The following MAPK4 variants were observed in gnomAD, a reference collection of about 807,000 sequenced individuals.
MAPK4 encodes the protein mitogen-activated protein kinase 4, also known as Erk3-related.
MAPK4 carries 22 observed loss-of-function variants against 47.7 expected under a neutral mutation model. The observed-to-expected ratio is 0.46, with a 90% CI of 0.33 to 0.66. The LOEUF (loss-of-function observed/expected upper bound fraction) is 0.66. Among genes scored for constraint, MAPK4 ranks in the 30% least tolerant of loss-of-function variants. The probability of loss-of-function intolerance (pLI) is 0.02; values close to 1 mark genes in which losing one functional copy is unlikely to be tolerated. For missense variants in MAPK4, 736 were observed against 831.7 expected, an observed-to-expected ratio of 0.88 and a Z score of 1.42; for synonymous variants, 390 against 365.7, an observed-to-expected ratio of 1.07 and a Z score of -0.76.
intron 1 of MAPK4, among the ~76,000 whole-genome samples, chr18:50,610,771 C>T (rs2042625975): frequency 6.6e-6 from 1 of 152,074 alleles, no homozygotes; most frequent in African/African-American, 2.4e-5. Flanking sequence ...TCCCATTTAC[C>T]CCCTCTCCTG....
At chr18:50,708,732 T>C (rs954224901) in intron 2 of MAPK4, among the ~76,000 whole-genome samples, 5 of 152,144 alleles carry the variant, frequency 3.3e-5, no homozygotes, top group African/African-American at 1.2e-4. Flanking sequence ...GTCTCTCTTA[T>C]GTGCGAGGCA....
chr18:50,714,763 A>C (rs1598946480), intron 2 of MAPK4, among the ~76,000 whole-genome samples: 1 of 152,206 alleles, frequency 6.6e-6, no homozygotes, highest in African/African-American at 2.4e-5. Flanking sequence ...CTTACTAGAC[A>C]AGGGCAGAGT....
chr18:50,582,715 C>T (rs541399397), intron 1 of MAPK4, among the ~76,000 whole-genome samples: 1 of 152,330 alleles, frequency 6.6e-6, no homozygotes, highest in Non-Finnish European at 1.5e-5. Context: ...TGTGCCCTGG[C>T]CCAGATCCCA....
intron 1 of MAPK4, among the ~76,000 whole-genome samples, chr18:50,628,509 A>G (rs747035252): frequency 6.6e-6 from 1 of 152,060 alleles, no homozygotes. Flanking sequence ...AGCATGTAAT[A>G]TTTTAGAATA....
At chr18:50,630,718 C>T (rs1382243674) in intron 1 of MAPK4, among the ~76,000 whole-genome samples, 1 of 152,206 alleles carries the variant, frequency 6.6e-6, no homozygotes, top group Non-Finnish European at 1.5e-5. Context: ...TTAGGATTAG[C>T]TCCTCATCCT....
At chr18:50,728,350 G>T (rs958169221) in intron 5 of MAPK4, among the ~76,000 whole-genome samples, 1 of 152,238 alleles carries the variant, frequency 6.6e-6, no homozygotes, top group African/African-American at 2.4e-5. Flanking sequence ...GTCGAACGGG[G>T]CAGAATGCCA....
intron 1 of MAPK4, among the ~76,000 whole-genome samples, chr18:50,654,723 G>T (rs1472902334): frequency 6.6e-6 from 1 of 152,216 alleles, no homozygotes; most frequent in African/African-American, 2.4e-5. Flanking sequence ...GGGCCTTTGT[G>T]CAGCTGGTGC....
Position 50,731,540 on chromosome 18 carries a change from T to G in MAPK4, c.*1686T>G, listed in dbSNP as rs995794149. The G allele has an allele frequency of 6.6e-6, 1 of 152,500 alleles. No individual in the cohort carries two copies. Among genetic ancestry groups the G allele is most frequent in the Non-Finnish European group, 1.5e-5 (1 of 68,040 alleles). 9.4% of individuals were successfully genotyped at this position (152,500 alleles called of 1,614,324 possible). A position where few individuals can be genotyped will look rare whatever the true frequency, so the allele number is the denominator to read the frequency against. On this transcript the variant is annotated 3_prime_UTR_variant, in exon 6 of 6. Coordinates refer to ENST00000400384, the MANE Select transcript of MAPK4 (RefSeq NM_002747.4). ...AGAAACTTATATTTAAAAACAGAAT[T>G]AATCACACTGACCAACTTTTAAATG...
At chr18:50,602,174 T>C (rs777939881) in intron 1 of MAPK4, among the ~76,000 whole-genome samples, 1 of 152,226 alleles carries the variant, frequency 6.6e-6, no homozygotes. Flanking sequence ...GCCGCAGATC[T>C]TCCCAGAGAG....
chr18:50,599,501 C>T (rs2042515813), intron 1 of MAPK4, among the ~76,000 whole-genome samples: 1 of 152,184 alleles, frequency 6.6e-6, no homozygotes, highest in Admixed American at 6.5e-5. Context: ...TCACTGCAAC[C>T]TTTGCCTTTT....
chr18:50,572,488 A>G (rs1000795023), intron 1 of MAPK4, among the ~76,000 whole-genome samples: 12 of 152,172 alleles, frequency 7.9e-5, no homozygotes, highest in African/African-American at 2.2e-4. Context: ...TCTTGTTTCC[A>G]TATGTCTATA....
At chr18:50,597,989 G>T (rs2042499096) in intron 1 of MAPK4, among the ~76,000 whole-genome samples, 2 of 152,224 alleles carry the variant, frequency 1.3e-5, no homozygotes, top group South Asian at 4.1e-4. Flanking sequence ...CAAGTAGTGA[G>T]ATTTGGGACA....
rs772815449 is a variant in MAPK4, at chr18:50,564,919, G to A, written c.-871+4676G>A. On this transcript the variant is annotated intron_variant, in intron 1 of 5. Coordinates refer to ENST00000400384, the MANE Select transcript of MAPK4 (RefSeq NM_002747.4). ...TTTGATGGACCCTCTTTAAGGAAAC[G>A]ACAAAACGATAAGGGGAGCACATTG... Among the ~76,000 whole-genome samples the A allele has an allele frequency of 6.0e-4, 92 of 152,328 alleles. 1 individual carries two copies. Among genetic ancestry groups the A allele is most frequent in the Non-Finnish European group, 4.4e-4 (30 of 68,028 alleles).
At chr18:50,669,042 G>A (rs753802074) in intron 2 of MAPK4, among the ~76,000 whole-genome samples, 4 of 152,184 alleles carry the variant, frequency 2.6e-5, no homozygotes, top group Admixed American at 1.3e-4. Context: ...GAGATGCCAC[G>A]GCAATGCCAG....
intron 1 of MAPK4, among the ~76,000 whole-genome samples, chr18:50,578,955 G>A (rs1008439627): frequency 2.0e-5 from 3 of 152,196 alleles, no homozygotes; most frequent in African/African-American, 7.2e-5. Context: ...AGCAGCATGG[G>A]CAGAGGTGAG....
At chr18:50,645,196 T>A (rs1377541887) in intron 1 of MAPK4, among the ~76,000 whole-genome samples, 2 of 152,092 alleles carry the variant, frequency 1.3e-5, no homozygotes, top group African/African-American at 4.8e-5. Flanking sequence ...GAGAGGTGAA[T>A]GCCAACGCGC....
intron 1 of MAPK4, among the ~76,000 whole-genome samples, chr18:50,595,374 T>C (rs1278194035): frequency 6.6e-6 from 1 of 152,110 alleles, no homozygotes; most frequent in Non-Finnish European, 1.5e-5. Context: ...ATACAAAGGA[T>C]TAAAAACCCA....
At position 50,686,266 on chromosome 18, in the gene MAPK4, C is replaced by T. The variant is rs528891646; in HGVS notation, c.546+21762C>T. Among the ~76,000 whole-genome samples the T allele has an allele frequency of 3.3e-5, 5 of 152,310 alleles. No homozygotes were observed. The East Asian group carries it at 9.6e-4, about 29-fold the overall frequency. ...AACTAAAATTCAGAAAGACTGGAAG[C>T]TAAGGAAGTCACTCAGTCATCAAAC... On this transcript the variant is annotated intron_variant, in intron 2 of 5. Transcript: ENST00000400384.
chr18:50,690,561 A>G (rs555063073), intron 2 of MAPK4, among the ~76,000 whole-genome samples: 3 of 152,360 alleles, frequency 2.0e-5, no homozygotes, highest in East Asian at 3.9e-4. Flanking sequence ...CTCTTTTAAC[A>G]CTAATATGAG....
Sources: gnomAD v4.1 joint callset for allele counts (sites outside exome capture counted in the v4.1 genomes callset) on GRCh38, gnomAD v4.1.1 for gene constraint, MANE v1.5 for transcripts, NCBI Gene and HGNC (gene_info 2026-07-23, HGNC 2026-07-21) for gene names.